Variants in ZNF613 observed in about 807,000 individuals in gnomAD.
ZNF613 encodes the protein zinc finger protein 613.
A neutral mutation model predicts 14.3 loss-of-function variants in ZNF613; 8 were observed. The observed-to-expected ratio is 0.56, with a 90% CI of 0.33 to 1.01. The LOEUF is 1.01. Ranked by LOEUF, ZNF613 falls within the 50% of genes least tolerant of loss-of-function variation. The pLI, the probability that ZNF613 is intolerant of heterozygous loss-of-function variation, is 0.03. For synonymous variants in ZNF613, 228 were observed against 254.5 expected (o/e 0.90, Z 0.99); for missense variants, 656 against 741.9 (o/e 0.88, Z 1.35).
chr19:51,936,056 C>A lies in ZNF613; in HGVS notation c.-165C>A. The A allele has an allele frequency of 1.7e-6, 1 of 591,366 alleles. No individual in the cohort carries two copies. Among genetic ancestry groups the A allele is most frequent in the Non-Finnish European group, 2.9e-6 (1 of 348,430 alleles). 36.6% of individuals were successfully genotyped at this position (591,366 alleles called of 1,614,324 possible). On this transcript the variant is annotated 5_prime_UTR_variant, in exon 3 of 6. Coordinates refer to ENST00000293471, the MANE Select transcript of ZNF613 (RefSeq NM_001031721.4). ...ACAGGTCCTGACTTCAGGAGCAAGA[C>A]ACTTCAAGTGAGGTGAGGAGGAGGT...
At chr19:51,935,727 A>C (rs983820432) in intron 2 of ZNF613, among the ~76,000 whole-genome samples, 2 of 152,186 alleles carry the variant, frequency 1.3e-5, no homozygotes, top group Admixed American at 6.5e-5. Flanking sequence ...AACCTGATCT[A>C]AGAAGTTTCT....
rs1368357770 is a variant in ZNF613, at chr19:51,946,363, C to T, written c.*626C>T. 6.6e-6 allele frequency: 1 copy of T among 152,384 alleles called. No homozygotes were observed. Among genetic ancestry groups the T allele is most frequent in the East Asian group, 1.9e-4 (1 of 5,198 alleles). The allele number at this position is 152,384 out of a possible 1,614,324, so 9.4% of individuals were successfully genotyped here. A position where few individuals can be genotyped will look rare whatever the true frequency, so the allele number is the denominator to read the frequency against. ...TAATTAAAAGGGGTTGTCAGTGTTA[C>T]ACATCATTGGTTAAATTTATAGCAC... On this transcript the variant is annotated 3_prime_UTR_variant, in exon 6 of 6. Coordinates refer to ENST00000293471, the MANE Select transcript of ZNF613 (RefSeq NM_001031721.4).
At chr19:51,937,877 G>C (rs888973647) in intron 3 of ZNF613, among the ~76,000 whole-genome samples, 1 of 151,820 alleles carries the variant, frequency 6.6e-6, no homozygotes, top group South Asian at 2.1e-4. Context: ...TTACAGGCAT[G>C]CACTACGACT....
In ZNF613 at chr19:51,940,550, G is replaced by C. The variant is rs1297102730; in HGVS notation, c.143-67G>C. ...TTACATAGTTCCTAAAACAGAACAT[G>C]GTCCCATGTTGATAGACCACAGCTC... is the stretch of plus-strand genomic sequence containing the variant. On this transcript the variant is annotated intron_variant, in intron 4 of 5. Transcript: ENST00000293471. 15 of 1,530,378 alleles carry C rather than the reference G, an allele frequency of 9.8e-6. No individual in the cohort carries two copies. The East Asian group carries it at 2.9e-4, about 30-fold the overall frequency. 94.8% of individuals were successfully genotyped at this position (1,530,378 alleles called of 1,614,324 possible).
Position 51,944,858 on chromosome 19 carries a change from C to T in ZNF613, c.975C>T (p.Phe325=). The change falls in exon 6 of 6, where the codon TTC becomes TTT. Residue 325 remains phenylalanine (F), a synonymous_variant. Coordinates refer to ENST00000293471, the MANE Select transcript of ZNF613 (RefSeq NM_001031721.4). ...GATGCAGCCTGTGTGGGAAGGCCTT[C>T]TCCAAAAGGTCCAGGCTCACTGAAC... ...PHGCSLCGKA[F]SKRSRLTEHQ... 2.5e-6 allele frequency: 4 copies of T among 1,613,642 alleles called. No individual in the cohort carries two copies. In the South Asian group the frequency reaches 4.4e-5, roughly 18 times the overall value.
Position 51,945,072 on chromosome 19 carries a change from G to A in ZNF613, c.1189G>A (p.Glu397Lys), listed in dbSNP as rs1182402940. ...LIVHQRIHTGEKPYICNECGK... is the reference protein window; with the variant it reads ...LIVHQRIHTGKKPYICNECGK... ...TGTACATCAGCGAATTCATACTGGA[G>A]AAAAACCCTATATATGCAATGAATG... The change falls in exon 6 of 6, where the codon GAA becomes AAA. Residue 397 changes from glutamate to lysine, a missense_variant. Transcript: ENST00000293471. 6.2e-7 allele frequency: 1 copy of A among 1,614,032 alleles called. No individual in the cohort carries two copies. Among genetic ancestry groups the A allele is most frequent in the African/African-American group, 1.3e-5 (1 of 74,920 alleles).
chr19:51,945,724 T>C lies in ZNF613; in HGVS notation c.1841T>C (p.Ile614Thr). The change falls in exon 6 of 6, where the codon ATT becomes ACT. Residue 614 changes from isoleucine to threonine, a missense_variant. Transcript: ENST00000293471. ...ARSSVSADSR[I>T]CTE is the part of the protein sequence containing the mutation. ...AGTTCAGTCTCAGCAGATAGTAGAATTTGCACAGAATAAAAACCATATGAA... is the reference window on the plus strand; with the variant it reads ...AGTTCAGTCTCAGCAGATAGTAGAACTTGCACAGAATAAAAACCATATGAA... 1 of 1,614,050 alleles carries C rather than the reference T, an allele frequency of 6.2e-7. No homozygotes were observed. The highest frequency in any genetic ancestry group is 1.3e-5 in the African/African-American group (1 of 75,016).
intron 2 of ZNF613, among the ~76,000 whole-genome samples, chr19:51,933,170 C>T (rs540737783): frequency 1.5e-4 from 23 of 152,276 alleles, no homozygotes; most frequent in South Asian, 6.2e-4. Context: ...AACATCCTCC[C>T]CTGTGCATGC....
At chr19:51,933,957 CCTGGCTA>C (rs2085286820) in intron 2 of ZNF613, among the ~76,000 whole-genome samples, 1 of 152,166 alleles carries the variant, frequency 6.6e-6, no homozygotes, top group Non-Finnish European at 1.5e-5. Flanking sequence ...TGCCACCACA[CCTGGCTA>C]CTTTTTGTAG....
At position 51,945,049 on chromosome 19, in the gene ZNF613, T is replaced by C. The variant is rs781100544; in HGVS notation, c.1166T>C (p.Val389Ala). The C allele has an allele frequency of 6.8e-6, 11 of 1,614,190 alleles. No individual in the cohort carries two copies. Among genetic ancestry groups the C allele is most frequent in the Non-Finnish European group, 9.3e-6 (11 of 1,180,020 alleles). Reference sequence around the variant, plus strand: ...TTCATTCAGAAGGGAAATCTCATTGTACATCAGCGAATTCATACTGGAGAA... The same window carrying C: ...TTCATTCAGAAGGGAAATCTCATTGCACATCAGCGAATTCATACTGGAGAA... ...KGFIQKGNLIVHQRIHTGEKP... is the reference protein window; with the variant it reads ...KGFIQKGNLIAHQRIHTGEKP... Residue 389 changes from valine to alanine, a missense_variant, in exon 6 of 6, where the codon GTA becomes GCA. By Grantham distance (64) the Val-to-Ala change is moderately conservative. Transcript: ENST00000293471.
intron 5 of ZNF613, 102 bp downstream of exon 5, chr19:51,940,811 A>G: frequency 1.2e-6 from 1 of 841,630 alleles, no homozygotes; most frequent in Non-Finnish European, 1.8e-6. Context: ...CTGTGTGGAC[A>G]GAGCCTCCAT....
chr19:51,939,884 T>C (rs756776908), intron 3 of ZNF613, among the ~76,000 whole-genome samples: 19 of 151,742 alleles, frequency 1.3e-4, no homozygotes, highest in Non-Finnish European at 1.8e-4. Context: ...TGCTAAAATA[T>C]ATTTAGTGCC....
At position 51,945,101 on chromosome 19, in the gene ZNF613, A is replaced by T; in HGVS notation, c.1218A>T (p.Gly406=). 6.2e-7 allele frequency: 1 copy of T among 1,614,184 alleles called. No individual in the cohort carries two copies. The highest frequency in any genetic ancestry group is 1.1e-5 in the South Asian group (1 of 91,086). Residue 406 remains glycine (G), a synonymous_variant, in exon 6 of 6, where the codon GGA becomes GGT. Coordinates refer to ENST00000293471, the MANE Select transcript of ZNF613 (RefSeq NM_001031721.4). ...AACCCTATATATGCAATGAATGTGG[A>T]AAAGGCTTCATCCAAAAGGGCAACC... The part of the protein sequence containing the change: ...GEKPYICNEC[G]KGFIQKGNLL...
rs866156856 is a variant in ZNF613, at chr19:51,936,153, G to A, written c.-68G>A. 6 of 1,504,160 alleles carry A rather than the reference G, an allele frequency of 4.0e-6. No homozygotes were observed. The highest frequency in any genetic ancestry group is 5.4e-6 in the Non-Finnish European group (6 of 1,112,262). The allele number at this position is 1,504,160 out of a possible 1,614,324, so 93.2% of individuals were successfully genotyped here. On this transcript the variant is annotated 5_prime_UTR_variant, in exon 3 of 6. Coordinates refer to ENST00000293471, the MANE Select transcript of ZNF613 (RefSeq NM_001031721.4). ...ACCAAGATTTCTAGCCAGAAATTGA[G>A]GGCAGCTCAAGGAGAGACTACAGAC...
chr19:51,944,619 G>T lies in ZNF613; in HGVS notation c.736G>T (p.Gly246Trp). Residue 246 changes from glycine to tryptophan, a missense_variant, in exon 6 of 6, where the codon GGG becomes TGG. Physicochemically the swap from Gly to Trp is radical, Grantham distance 184. Transcript: ENST00000293471. ...TGGGAAAGCCTTCTCCAGAAAGTCC[G>T]GGCTCACTGAACACCAGAGAAACCA... The part of the protein sequence containing the change: ...ICGKAFSRKS[G>W]LTEHQRNHTG... 2 of 1,613,720 alleles carry T rather than the reference G, an allele frequency of 1.2e-6. No homozygotes were observed. Among genetic ancestry groups the T allele is most frequent in the Non-Finnish European group, 1.7e-6 (2 of 1,179,912 alleles).
At position 51,940,668 on chromosome 19, in the gene ZNF613, C is replaced by T. The variant is rs778350936; in HGVS notation, c.194C>T (p.Pro65Leu). 2.5e-6 allele frequency: 4 copies of T among 1,613,570 alleles called. No homozygotes were observed. The highest frequency in any genetic ancestry group is 2.2e-5 in the East Asian group (1 of 44,852). ...DALFKLEQGE[P>L]WTVENEIHSQ... ...CTCTTCAAGTTGGAACAAGGAGAGC[C>T]ATGGACAGTAGAAAATGAAATCCAC... Residue 65 changes from proline (P) to leucine (L), a missense_variant, in exon 5 of 6, where the codon CCA (proline) becomes CTA (leucine). By Grantham distance (98) the Pro-to-Leu change is moderately conservative (BLOSUM62 -3). Transcript: ENST00000293471.
intron 3 of ZNF613, among the ~76,000 whole-genome samples, chr19:51,938,980 A>G (rs917731601): frequency 6.6e-6 from 1 of 151,586 alleles, no homozygotes; most frequent in Non-Finnish European, 1.5e-5. Flanking sequence ...GTATGTATAT[A>G]TATGTATATA....
At chr19:51,944,070 A>G (rs766146729) in intron 5 of ZNF613, 49 bp from the exon 6 acceptor site, 21 of 1,454,672 alleles carry the variant, frequency 1.4e-5, no homozygotes, top group Non-Finnish European at 1.9e-5. Context: ...TTTGTGAAAT[A>G]GTTCTATTCC....
Position 51,942,418 on chromosome 19 carries a change from G to A in ZNF613, c.236-1701G>A, listed in dbSNP as rs11673482. Among the ~76,000 whole-genome samples the A allele has an allele frequency of 8.3e-4, 127 of 152,292 alleles. 1 individual carries two copies. The South Asian group carries it at 8.9e-3, about 11-fold the overall frequency. ...ATAACAAAGTATAATGAGGGATGCC[G>A]GGAGTGGGAATGGCTGTTTGGTCAG... On this transcript the variant is annotated intron_variant, in intron 5 of 5. Transcript: ENST00000293471.
Sources: gnomAD v4.1 joint callset for allele counts (sites outside exome capture counted in the v4.1 genomes callset) on GRCh38, gnomAD v4.1.1 for gene constraint, MANE v1.5 for transcripts, NCBI Gene and HGNC (gene_info 2026-07-23, HGNC 2026-07-21) for gene names.